Variants in PUDP observed in about 807,000 individuals in gnomAD.
PUDP encodes pseudouridine 5'-phosphatase.
A neutral mutation model predicts 9.4 loss-of-function variants in PUDP; 8 were observed. The ratio of observed to expected loss-of-function variants is 0.85; its 90% CI spans 0.50 to 1.53. PUDP has a LOEUF of 1.53. PUDP is among the 40% of genes most tolerant of loss of function. The pLI, the probability that PUDP is intolerant of heterozygous loss-of-function variation, is 0.00. For missense variants in PUDP, 188 were observed against 189.7 expected (o/e 0.99, Z 0.05); for synonymous variants, 99 against 80.7 (o/e 1.23, Z -1.22).
chrX:6,770,813 T>A (rs1022577377), intron 3 of PUDP, among the ~76,000 whole-genome samples: 3 of 111,475 alleles, frequency 2.7e-5, no homozygotes, highest in African/African-American at 9.8e-5. Context: ...CCTGGTGAAT[T>A]TGAAGAGAAG....
chrX:7,083,899 A>G (rs1931184916), intron 2 of PUDP, among the ~76,000 whole-genome samples: 1 of 109,163 alleles, frequency 9.2e-6, no homozygotes, highest in Non-Finnish European at 1.9e-5. Flanking sequence ...AACAACAACA[A>G]CAACAAAAAA....
intron 1 of PUDP, among the ~76,000 whole-genome samples, chrX:7,109,052 C>T (rs1380506211): frequency 3.6e-5 from 4 of 111,891 alleles, no homozygotes; most frequent in Non-Finnish European, 5.6e-5. Flanking sequence ...ACCTGAGTAA[C>T]TCAAGGCTTC....
At chrX:6,861,784 G>T (rs748906017) in intron 3 of PUDP, among the ~76,000 whole-genome samples, 2 of 111,148 alleles carry the variant, frequency 1.8e-5, no homozygotes, top group South Asian at 3.9e-4. Context: ...TAATAAGTAG[G>T]GGCTTAGTCA....
chrX:7,070,833 C>T (rs1008474439), intron 3 of PUDP, among the ~76,000 whole-genome samples: 4 of 112,297 alleles, frequency 3.6e-5, no homozygotes, highest in Non-Finnish European at 7.5e-5. Flanking sequence ...CCACCTTGGC[C>T]TCCCAAAGTG....
upstream of PUDP, among the ~76,000 whole-genome samples, chrX:6,725,375 T>G (rs1372234663): frequency 9.0e-6 from 1 of 111,645 alleles, no homozygotes; most frequent in Non-Finnish European, 1.9e-5. Context: ...TTTCTCATCC[T>G]TCACCCCCTT....
At chrX:6,795,189 G>A (rs1004216446) in intron 3 of PUDP, among the ~76,000 whole-genome samples, 1 of 110,915 alleles carries the variant, frequency 9.0e-6, no homozygotes, top group African/African-American at 3.3e-5. Context: ...TCGTATATGT[G>A]GTCTGTCACT....
intron 3 of PUDP, among the ~76,000 whole-genome samples, chrX:7,072,376 T>C (rs1278613509): frequency 8.9e-6 from 1 of 112,236 alleles, no homozygotes; most frequent in South Asian, 3.7e-4. Flanking sequence ...GTTTATGCAG[T>C]TTAACATGTA....
upstream of PUDP, among the ~76,000 whole-genome samples, chrX:6,722,372 G>C (rs1025391627): frequency 9.2e-6 from 1 of 109,276 alleles, no homozygotes; most frequent in African/African-American, 3.3e-5. Context: ...TTGAACCCGG[G>C]AGGCAGAGGT....
rs1926604258 is a variant in PUDP, at chrX:6,837,707, A to G, written c.*248-131241T>C. 4.5e-5 allele frequency among the ~76,000 whole-genome samples: 5 copies of G among 111,728 alleles called. No individual in the cohort carries two copies. The South Asian group carries it at 1.9e-3, about 42-fold the overall frequency. Reference sequence around the variant, plus strand: ...CTGGAATCTGGAATTCTAGAAACACACACATGTTGAACAAGTATGTACACT... The same window carrying G: ...CTGGAATCTGGAATTCTAGAAACACGCACATGTTGAACAAGTATGTACACT... On this transcript the variant is annotated intron_variant and NMD_transcript_variant, in intron 3 of 3. Coordinates refer to the PUDP transcript ENST00000655425.
At chrX:7,135,579 G>T (rs1932723089) in intron 1 of PUDP, among the ~76,000 whole-genome samples, 1 of 112,019 alleles carries the variant, frequency 8.9e-6, no homozygotes, top group African/African-American at 3.2e-5. Flanking sequence ...GTTCGAGAGA[G>T]CTGAAGGTTC....
chrX:6,876,819 ATG>A (rs989175297), intron 3 of PUDP, among the ~76,000 whole-genome samples: 9 of 111,679 alleles, frequency 8.1e-5, no homozygotes, highest in Admixed American at 3.8e-4. Flanking sequence ...ATACACATAT[ATG>A]TGTGTACCTA....
intron 1 of PUDP, among the ~76,000 whole-genome samples, chrX:7,004,112 G>A (rs909899424): frequency 9.0e-6 from 1 of 111,533 alleles, no homozygotes; most frequent in African/African-American, 3.3e-5. Flanking sequence ...CTGGACTCAA[G>A]TGATCCACCC....
intron 3 of PUDP, among the ~76,000 whole-genome samples, chrX:6,807,762 G>A (rs1926075701): frequency 8.9e-6 from 1 of 112,251 alleles, no homozygotes. Flanking sequence ...TCACTAGACT[G>A]TGCTCAACGT....
intron 1 of PUDP, among the ~76,000 whole-genome samples, chrX:6,987,229 T>C (rs1312107999): frequency 1.8e-5 from 2 of 112,052 alleles, no homozygotes; most frequent in Non-Finnish European, 3.8e-5. Context: ...CCAGCAGCCT[T>C]AGAGGTGGCC....
chrX:6,745,561 CT>C (rs1369590457), intron 3 of PUDP, among the ~76,000 whole-genome samples: 1 of 112,021 alleles, frequency 8.9e-6, no homozygotes, highest in Non-Finnish European at 1.9e-5. Context: ...ACAGGATCCT[CT>C]TTTCTGGAAG....
rs754469564 is a variant in PUDP, at chrX:7,080,494, A to T, written c.281-3045T>A. On this transcript the variant is annotated intron_variant, in intron 2 of 3. Transcript: ENST00000381077. ...AGCACTTCCCTGATCCCAAAACCAG[A>T]CAAAAGCCAGACAAGAAAACGACAG... Among the ~76,000 whole-genome samples the T allele has an allele frequency of 1.4e-4, 16 of 111,997 alleles. No individual in the cohort carries two copies. In the South Asian group the frequency reaches 4.4e-3, roughly 31 times the overall value.
intron 1 of PUDP, among the ~76,000 whole-genome samples, chrX:7,034,503 C>T (rs1443442265): frequency 8.9e-6 from 1 of 111,873 alleles, no homozygotes; most frequent in African/African-American, 3.2e-5. Flanking sequence ...TCAAGACATA[C>T]ATCTCTTAGA....
At chrX:6,860,079 C>T (rs1235289003) in intron 3 of PUDP, among the ~76,000 whole-genome samples, 6 of 111,917 alleles carry the variant, frequency 5.4e-5, no homozygotes, top group African/African-American at 1.9e-4. Context: ...AAATAATCAG[C>T]TCAAGGTCAG....
intron 2 of PUDP, among the ~76,000 whole-genome samples, chrX:7,097,901 G>C (rs770148083): frequency 8.9e-6 from 1 of 112,250 alleles, no homozygotes; most frequent in South Asian, 3.7e-4. Flanking sequence ...GCCTGAGGAG[G>C]AAGGCTTACT....
Sources: allele counts gnomAD v4.1 joint callset (sites outside exome capture counted in the v4.1 genomes callset), GRCh38; gene constraint gnomAD v4.1.1; transcripts MANE v1.5; gene names NCBI Gene and HGNC (gene_info 2026-07-23, HGNC 2026-07-21).